Variants in SLCO1B1 observed in about 807,000 individuals in gnomAD.
SLCO1B1 encodes the protein solute carrier organic anion transporter family member 1B1.
In SLCO1B1, 81 loss-of-function variants were observed where a neutral mutation model predicts 70.1. That is an observed-to-expected ratio of 1.16 (90% CI 0.97 to 1.39). SLCO1B1 has a LOEUF of 1.39. Ranked by LOEUF, SLCO1B1 falls within the 40% of genes most tolerant of loss-of-function variation. The pLI is 0.00. For missense variants in SLCO1B1, 895 were observed against 799.6 expected (o/e 1.12, Z -1.44); for synonymous variants, 283 against 271.5 (o/e 1.04, Z -0.42).
chr12:21,140,128 A>G (rs570770778), intron 1 of SLCO1B1, among the ~76,000 whole-genome samples: 11 of 152,112 alleles, frequency 7.2e-5, no homozygotes, highest in African/African-American at 2.6e-4. Context: ...CATATAACTA[A>G]CCCCACATCT....
chr12:21,213,252 C>A (rs1426047149), intron 11 of SLCO1B1, among the ~76,000 whole-genome samples: 1 of 152,062 alleles, frequency 6.6e-6, no homozygotes, highest in Non-Finnish European at 1.5e-5. Flanking sequence ...TCTTGTAGGG[C>A]AGGCCTGGTG....
chr12:21,132,887 T>G (rs1232771127), intron 1 of SLCO1B1, among the ~76,000 whole-genome samples: 3 of 152,182 alleles, frequency 2.0e-5, no homozygotes, highest in Admixed American at 6.5e-5. Flanking sequence ...TTTTGGTGTT[T>G]TAGACATGAA....
chr12:21,162,171 A>C (rs1479757207), intron 2 of SLCO1B1, among the ~76,000 whole-genome samples: 2 of 151,966 alleles, frequency 1.3e-5, no homozygotes, highest in Non-Finnish European at 2.9e-5. Context: ...ATTGATGTGC[A>C]TGAAGATACA....
intron 1 of SLCO1B1, among the ~76,000 whole-genome samples, chr12:21,141,063 T>C (rs1223495190): frequency 6.6e-6 from 1 of 151,952 alleles, no homozygotes; most frequent in African/African-American, 2.4e-5. Context: ...GCCATTCTAA[T>C]TTAATTCTTT....
intron 11 of SLCO1B1, among the ~76,000 whole-genome samples, chr12:21,214,769 G>A (rs1161839659): frequency 3.3e-5 from 5 of 152,258 alleles, no homozygotes; most frequent in African/African-American, 7.2e-5. Flanking sequence ...CTCGTGGTGC[G>A]CCGTTTTTTA....
At position 21,200,637 on chromosome 12, in the gene SLCO1B1, A is replaced by G. The variant is rs757036708; in HGVS notation, c.1100A>G (p.Tyr367Cys). The change falls in exon 9 of 15, where the codon TAT becomes TGT. Residue 367 changes from tyrosine to cysteine, a missense_variant. Tyr to Cys is a radical substitution (Grantham distance 194). Coordinates refer to ENST00000256958, the MANE Select transcript of SLCO1B1 (RefSeq NM_006446.5). Reference protein sequence around the residue: ...TYVFKYVEQQYGQPSSKANIL... With the variant: ...TYVFKYVEQQCGQPSSKANIL... ...GTCTTCAAATACGTAGAGCAACAGT[A>G]TGGTCAGCCTTCATCTAAGGCTAAC... 6.8e-6 allele frequency: 11 copies of G among 1,612,568 alleles called. No homozygotes were observed. The South Asian group carries it at 1.1e-4, about 16-fold the overall frequency.
rs35924420 is a variant in SLCO1B1, at chr12:21,233,552, CA to C, written c.1866-5417del. ...CTCCAAAGGAGCTGAACTGAGACCT[CA>C]AAAAAAAAACAAACAAACAAAAAAA... On this transcript the variant is annotated intron_variant, in intron 14 of 14. Transcript: ENST00000256958. Among the ~76,000 whole-genome samples the C allele has an allele frequency of 2.4e-3, 248 of 104,918 alleles. 2 individuals carry two copies. The East Asian group carries it at 0.062, about 26-fold the overall frequency. 68.8% of individuals were successfully genotyped at this position (104,918 alleles called of 152,430 possible). A position where few individuals can be genotyped will look rare whatever the true frequency, so the allele number is the denominator to read the frequency against.
chr12:21,141,870 A>G (rs1257192829), intron 2 of SLCO1B1, among the ~76,000 whole-genome samples: 1 of 151,922 alleles, frequency 6.6e-6, no homozygotes, highest in Non-Finnish European at 1.5e-5. Flanking sequence ...GATGCTTAAT[A>G]GTTTATCAAT....
chr12:21,184,059 A>AC (rs993422748), intron 7 of SLCO1B1, among the ~76,000 whole-genome samples: 3 of 152,054 alleles, frequency 2.0e-5, no homozygotes, highest in Non-Finnish European at 4.4e-5. Flanking sequence ...AGAAAAAAAA[A>AC]CATAAAAATG....
intron 1 of SLCO1B1, among the ~76,000 whole-genome samples, chr12:21,138,042 A>G (rs1222235019): frequency 1.3e-5 from 2 of 152,196 alleles, no homozygotes; most frequent in African/African-American, 2.4e-5. Context: ...CCCTTCTCCA[A>G]TTCAGAAAGT....
At chr12:21,230,268 T>C (rs1360772819) in intron 14 of SLCO1B1, among the ~76,000 whole-genome samples, 6 of 151,842 alleles carry the variant, frequency 4.0e-5, no homozygotes, top group Admixed American at 3.3e-4. Context: ...TTCAATCTGA[T>C]ATTTTTTGAG....
At chr12:21,133,829 T>C (rs1036369207) in intron 1 of SLCO1B1, among the ~76,000 whole-genome samples, 4 of 152,260 alleles carry the variant, frequency 2.6e-5, no homozygotes, top group Admixed American at 2.6e-4. Context: ...TTTATTTTCT[T>C]CTCCTGCCTG....
At chr12:21,180,877 G>A (rs1940887060) in intron 7 of SLCO1B1, among the ~76,000 whole-genome samples, 1 of 152,038 alleles carries the variant, frequency 6.6e-6, no homozygotes. Context: ...CATTATTTGA[G>A]AATTCATCAC....
intron 2 of SLCO1B1, among the ~76,000 whole-genome samples, chr12:21,155,181 T>A (rs1285248139): frequency 6.6e-6 from 1 of 151,888 alleles, no homozygotes; most frequent in Non-Finnish European, 1.5e-5. Flanking sequence ...CTTCAACTTA[T>A]TTTTTCTCAT....
intron 7 of SLCO1B1, among the ~76,000 whole-genome samples, chr12:21,183,376 CTGTAAAGACAGGGTTTTCCA>C (rs1324020201): frequency 3.4e-4 from 52 of 152,220 alleles, no homozygotes; most frequent in Middle Eastern, 3.4e-3. Flanking sequence ...GTGTTATTTT[CTGTAAAGACAGGGTTTTCCA>C]TGTTGCCCAG....
chr12:21,139,421 C>G (rs990183399), intron 1 of SLCO1B1, among the ~76,000 whole-genome samples: 1 of 152,064 alleles, frequency 6.6e-6, no homozygotes, highest in East Asian at 1.9e-4. Context: ...CTTAGAGGTA[C>G]ACATGTATGG....
chr12:21,151,827 C>T (rs973905695), intron 2 of SLCO1B1, among the ~76,000 whole-genome samples: 8 of 151,704 alleles, frequency 5.3e-5, no homozygotes, highest in Non-Finnish European at 1.0e-4. Flanking sequence ...TTTCCTTTGT[C>T]TGTGATTTTC....
intron 13 of SLCO1B1, among the ~76,000 whole-genome samples, chr12:21,223,106 A>G (rs937283102): frequency 1.3e-5 from 2 of 152,282 alleles, no homozygotes; most frequent in South Asian, 2.1e-4. Context: ...TTAAAGTAAC[A>G]TCTGGGTTGT....
chr12:21,215,622 C>T (rs932035500), intron 11 of SLCO1B1, among the ~76,000 whole-genome samples: 7 of 152,080 alleles, frequency 4.6e-5, no homozygotes, highest in African/African-American at 1.7e-4. Context: ...CATCTATATT[C>T]ATCTATATTC....
Sources: allele counts gnomAD v4.1 joint callset (sites outside exome capture counted in the v4.1 genomes callset), GRCh38; gene constraint gnomAD v4.1.1; transcripts MANE v1.5; gene names NCBI Gene and HGNC (gene_info 2026-07-23, HGNC 2026-07-21).